The following ZNF385B variants were observed in gnomAD, a reference collection of about 807,000 sequenced individuals.
ZNF385B encodes the protein zinc finger protein 385B.
ZNF385B carries 23 observed loss-of-function variants against 39.2 expected under a neutral mutation model. The observed-to-expected ratio is 0.59, with a 90% CI of 0.42 to 0.83. ZNF385B has a LOEUF of 0.83. ZNF385B is among the 40% of genes least tolerant of loss of function. ZNF385B has a pLI of 0.00. For synonymous variants in ZNF385B, 205 were observed against 222.6 expected, an observed-to-expected ratio of 0.92 and a Z score of 0.70; for missense variants, 552 against 598.9, an observed-to-expected ratio of 0.92 and a Z score of 0.82.
chr2:179,462,423 G>C (rs371884650), intron 6 of ZNF385B, among the ~76,000 whole-genome samples: 4 of 152,290 alleles, frequency 2.6e-5, no homozygotes, highest in South Asian at 4.1e-4. Flanking sequence ...CTGCAAACCT[G>C]TATGTATGTA....
At chr2:179,761,575 AT>A (rs1703388547) in intron 3 of ZNF385B, among the ~76,000 whole-genome samples, 1 of 149,900 alleles carries the variant, frequency 6.7e-6, no homozygotes, top group South Asian at 2.1e-4. Context: ...TAAATATAAT[AT>A]GCAATTGATT....
At chr2:179,457,778 G>T (rs1329068459) in intron 6 of ZNF385B, among the ~76,000 whole-genome samples, 2 of 152,068 alleles carry the variant, frequency 1.3e-5, no homozygotes, top group Non-Finnish European at 2.9e-5. Flanking sequence ...GCCTGAACAG[G>T]AGTCCTTTGT....
intron 3 of ZNF385B, among the ~76,000 whole-genome samples, chr2:179,628,198 A>G (rs3112958): frequency 0.2 from 30,067 of 152,128 alleles, 4,239 homozygotes; most frequent in African/African-American, 0.4. Context: ...CTTTAATATT[A>G]TCTAATAATT....
intron 3 of ZNF385B, among the ~76,000 whole-genome samples, chr2:179,676,432 G>A (rs543786946): frequency 2.0e-5 from 3 of 152,094 alleles, no homozygotes; most frequent in Non-Finnish European, 2.9e-5. Flanking sequence ...CACCGTGTTA[G>A]CCAGGATGGT....
intron 3 of ZNF385B, among the ~76,000 whole-genome samples, chr2:179,602,191 G>A (rs1037904865): frequency 1.3e-5 from 2 of 152,174 alleles, no homozygotes; most frequent in Non-Finnish European, 2.9e-5. Context: ...CTATTTGTAT[G>A]AGCTTATTTT....
At chr2:179,708,336 C>A (rs1274010433) in intron 3 of ZNF385B, among the ~76,000 whole-genome samples, 1 of 152,200 alleles carries the variant, frequency 6.6e-6, no homozygotes, top group Non-Finnish European at 1.5e-5. Context: ...CTTTGCCTTC[C>A]ACCCTCCCCA....
intron 5 of ZNF385B, among the ~76,000 whole-genome samples, chr2:179,505,576 C>T (rs1437972610): frequency 2.0e-5 from 3 of 152,048 alleles, no homozygotes; most frequent in Non-Finnish European, 4.4e-5. Flanking sequence ...CCACCTTAAG[C>T]TCACAGTTGA....
intron 3 of ZNF385B, among the ~76,000 whole-genome samples, chr2:179,737,995 A>T (rs550562860): frequency 6.6e-6 from 1 of 152,294 alleles, no homozygotes; most frequent in South Asian, 2.1e-4. Flanking sequence ...ATATAATCAT[A>T]GAGTCTGAAG....
intron 1 of ZNF385B, among the ~76,000 whole-genome samples, chr2:179,816,168 TTCA>T (rs1707053480): frequency 6.6e-6 from 1 of 152,184 alleles, no homozygotes; most frequent in African/African-American, 2.4e-5. Context: ...GGAAACTTCA[TTCA>T]TCAAGCTGTT....
At chr2:179,577,569 A>G (rs1685983635) in intron 3 of ZNF385B, among the ~76,000 whole-genome samples, 1 of 152,096 alleles carries the variant, frequency 6.6e-6, no homozygotes, top group Admixed American at 6.6e-5. Context: ...AAGTGGACCT[A>G]TGCTCCTTTA....
intron 3 of ZNF385B, among the ~76,000 whole-genome samples, chr2:179,608,496 C>A (rs773716285): frequency 3.3e-5 from 5 of 152,184 alleles, no homozygotes; most frequent in Non-Finnish European, 7.3e-5. Context: ...ATAGCCAGCA[C>A]AATATTTCAT....
chr2:179,735,089 C>T (rs186977675), intron 3 of ZNF385B, among the ~76,000 whole-genome samples: 12 of 152,238 alleles, frequency 7.9e-5, no homozygotes, highest in Admixed American at 2.0e-4. Context: ...TCAGAGTGAA[C>T]AGGCAACCTA....
chr2:179,818,768 A>G (rs974530477), intron 1 of ZNF385B, among the ~76,000 whole-genome samples: 2 of 152,092 alleles, frequency 1.3e-5, no homozygotes, highest in Admixed American at 1.3e-4. Context: ...CCGTCTGTCT[A>G]CTCAATGGAA....
At chr2:179,824,508 A>T (rs1707573061) in intron 1 of ZNF385B, among the ~76,000 whole-genome samples, 1 of 152,202 alleles carries the variant, frequency 6.6e-6, no homozygotes. Context: ...ATGAATAATG[A>T]CATTAGTAAA....
chr2:179,512,109 G>A (rs1159352083), intron 5 of ZNF385B, among the ~76,000 whole-genome samples: 2 of 151,976 alleles, frequency 1.3e-5, no homozygotes, highest in African/African-American at 4.8e-5. Flanking sequence ...AAATTTCAGG[G>A]TCAATTCTGA....
At chr2:179,522,823 A>T (rs558804433) in intron 4 of ZNF385B, 6 of 382,572 alleles carry the variant, frequency 1.6e-5, no homozygotes, top group Non-Finnish European at 2.6e-5. Context: ...AATACTAAAG[A>T]TGCTTTTTTA....
chr2:179,452,671 A>G (rs1241830389), intron 6 of ZNF385B, among the ~76,000 whole-genome samples: 1 of 152,172 alleles, frequency 6.6e-6, no homozygotes, highest in Non-Finnish European at 1.5e-5. Flanking sequence ...TCAGTGGTTA[A>G]TAACAGATAC....
intron 3 of ZNF385B, among the ~76,000 whole-genome samples, chr2:179,697,849 T>C (rs1171176521): frequency 6.6e-6 from 1 of 152,168 alleles, no homozygotes; most frequent in Non-Finnish European, 1.5e-5. Flanking sequence ...CACCATGGAA[T>C]ACTATGCAGC....
intron 3 of ZNF385B, among the ~76,000 whole-genome samples, chr2:179,674,260 T>G (rs75789631): frequency 0.043 from 6,618 of 152,292 alleles, 199 homozygotes; most frequent in Non-Finnish European, 0.059. Context: ...CTCATGGAGC[T>G]TTTAATGTAG....
Sources: gnomAD v4.1 joint callset for allele counts (sites outside exome capture counted in the v4.1 genomes callset) on GRCh38, gnomAD v4.1.1 for gene constraint, MANE v1.5 for transcripts, NCBI Gene and HGNC (gene_info 2026-07-23, HGNC 2026-07-21) for gene names.